HNRNPC: variants seen among roughly 807,000 people sequenced by gnomAD.
The protein encoded by HNRNPC is heterogeneous nuclear ribonucleoproteins C1/C2.
In HNRNPC, 3 loss-of-function variants were observed where a neutral mutation model predicts 33.2. That is an observed-to-expected ratio of 0.09 (90% CI 0.04 to 0.23). The LOEUF is 0.23. HNRNPC is among the 10% of genes least tolerant of loss of function. The pLI, the probability that HNRNPC is intolerant of heterozygous loss-of-function variation, is 1.00. For missense variants in HNRNPC, 143 were observed against 366.7 expected, an observed-to-expected ratio of 0.39 and a Z score of 4.98; for synonymous variants, 121 against 126.7, an observed-to-expected ratio of 0.96 and a Z score of 0.30.
chr14:21,265,903 T>G (rs1878893799), intron 1 of HNRNPC, among the ~76,000 whole-genome samples: 1 of 152,150 alleles, frequency 6.6e-6, no homozygotes, highest in Non-Finnish European at 1.5e-5. Flanking sequence ...TCAGAATGAG[T>G]GATGCATGAG....
At chr14:21,259,758 C>T (rs1000067378) in intron 2 of HNRNPC, among the ~76,000 whole-genome samples, 2 of 151,842 alleles carry the variant, frequency 1.3e-5, no homozygotes, top group African/African-American at 2.4e-5. Context: ...TATTAATCTC[C>T]TACTTCCAAT....
At chr14:21,244,900 T>C (rs931301094) in intron 2 of HNRNPC, among the ~76,000 whole-genome samples, 3 of 151,358 alleles carry the variant, frequency 2.0e-5, no homozygotes, top group Admixed American at 6.6e-5. Flanking sequence ...ACCAGACCAA[T>C]ATGGTGAAAC....
chr14:21,266,389 A>G (rs1878986749), intron 1 of HNRNPC, among the ~76,000 whole-genome samples: 1 of 152,010 alleles, frequency 6.6e-6, no homozygotes, highest in Non-Finnish European at 1.5e-5. Context: ...ATGAGCAGCC[A>G]CACCCGGCCT....
At chr14:21,228,790 A>C (rs1893763781) in intron 5 of HNRNPC, among the ~76,000 whole-genome samples, 1 of 152,082 alleles carries the variant, frequency 6.6e-6, no homozygotes, top group African/African-American at 2.4e-5. Context: ...TAACTGTAAA[A>C]ATCTGAGGAA....
intron 5 of HNRNPC, among the ~76,000 whole-genome samples, chr14:21,218,681 C>CAAAAAAAAAAAAAAA (rs71112557): frequency 7.8e-5 from 4 of 51,254 alleles, no homozygotes; most frequent in Admixed American, 3.2e-4. Context: ...AACTCTCTCT[C>CAAAAAAAAAAAAAAA]AAAAAAAAAA....
chr14:21,225,573 G>A lies in HNRNPC; in HGVS notation c.365+4746C>T, dbSNP rs183672218. On this transcript the variant is annotated intron_variant, in intron 5 of 8. Transcript: ENST00000553300. ...TTCTAAAAGGTGTCCATCCTCAGGC[G>A]TAAGAGTTACCTTTTGAGGCTGGTA... Among the ~76,000 whole-genome samples, 38 of 152,206 alleles carry A rather than the reference G, an allele frequency of 2.5e-4. 1 individual carries two copies. The highest frequency in any genetic ancestry group is 8.7e-4 in the African/African-American group (36 of 41,486).
At chr14:21,236,376 G>A (rs976477174) in intron 2 of HNRNPC, 1 of 152,136 alleles carries the variant, frequency 6.6e-6, no homozygotes, top group Non-Finnish European at 1.5e-5. Flanking sequence ...TACTTACTAT[G>A]AGGACTTAAA....
At chr14:21,265,042 G>C (rs1332396607) in intron 1 of HNRNPC, 2 of 152,138 alleles carry the variant, frequency 1.3e-5, no homozygotes, top group African/African-American at 2.4e-5. Context: ...TGAGCTTTTA[G>C]AAGTGTTCCT....
chr14:21,216,357 C>T (rs369833773), intron 5 of HNRNPC, among the ~76,000 whole-genome samples: 5 of 152,246 alleles, frequency 3.3e-5, no homozygotes, highest in African/African-American at 1.2e-4. Context: ...TCATTTGGTA[C>T]ATGGACCATT....
At chr14:21,245,084 CAA>C (rs71112560) in intron 2 of HNRNPC, among the ~76,000 whole-genome samples, 2 of 54,604 alleles carry the variant, frequency 3.7e-5, no homozygotes, top group South Asian at 6.5e-4. Context: ...GACTCCATCT[CAA>C]AAAAAAAAAA....
At chr14:21,231,124 A>T (rs762667556) in intron 3 of HNRNPC, 52 bp from the exon 4 acceptor site, 1 of 1,534,426 alleles carries the variant, frequency 6.5e-7, no homozygotes, top group Non-Finnish European at 9.0e-7. Flanking sequence ...CGGGTAAAAC[A>T]AACTACAAAG....
chr14:21,255,861 C>T (rs10142891), intron 2 of HNRNPC, among the ~76,000 whole-genome samples: 2,458 of 152,136 alleles, frequency 0.016, 33 homozygotes, highest in Middle Eastern at 0.078. Context: ...GAGCTTAAAG[C>T]GCTAAATAAG....
At chr14:21,232,765 A>G (rs890302324) in intron 3 of HNRNPC, among the ~76,000 whole-genome samples, 8 of 152,172 alleles carry the variant, frequency 5.3e-5, no homozygotes, top group African/African-American at 1.9e-4. Flanking sequence ...GCCAGGTCCA[A>G]TGGCTGACGC....
chr14:21,261,843 CG>C (rs1240347662), intron 2 of HNRNPC, among the ~76,000 whole-genome samples: 5 of 152,208 alleles, frequency 3.3e-5, no homozygotes, highest in African/African-American at 9.6e-5. Flanking sequence ...TAAAATACTA[CG>C]GGTTGCTCAA....
intron 5 of HNRNPC, among the ~76,000 whole-genome samples, chr14:21,218,704 A>AAAAC (rs1555351332): frequency 1.7e-4 from 23 of 136,874 alleles, no homozygotes; most frequent in African/African-American, 3.0e-4. Flanking sequence ...AAAAAAAAAA[A>AAAAC]AAAACTGAAA....
In HNRNPC at chr14:21,234,249, A is replaced by G; in HGVS notation, c.-36-20T>C. ...CGAAAACTGTAAAGCAAAAAAAAGT[A>G]TACAGGTGAACAGATGCTAAAAACA... On this transcript the variant is annotated intron_variant, in intron 2 of 8. Coordinates refer to ENST00000553300, the MANE Select transcript of HNRNPC (RefSeq NM_004500.4). The G allele has an allele frequency of 2.5e-6, 4 of 1,592,452 alleles. No individual in the cohort carries two copies. Among genetic ancestry groups the G allele is most frequent in the Non-Finnish European group, 2.6e-6 (3 of 1,167,408 alleles).
chr14:21,212,792 C>T (rs2139452907), intron 6 of HNRNPC, among the ~76,000 whole-genome samples, 168 bp downstream of exon 6: 1 of 152,282 alleles, frequency 6.6e-6, no homozygotes, highest in Non-Finnish European at 1.5e-5. Flanking sequence ...GATCCACCCG[C>T]TGGGCCTCCC....
At chr14:21,256,407 C>T (rs906926203) in intron 2 of HNRNPC, among the ~76,000 whole-genome samples, 1 of 152,012 alleles carries the variant, frequency 6.6e-6, no homozygotes, top group African/African-American at 2.4e-5. Context: ...CGAGCTCGCA[C>T]CACTGCACTA....
At chr14:21,262,425 T>C (rs1270807626) in intron 2 of HNRNPC, among the ~76,000 whole-genome samples, 2 of 152,270 alleles carry the variant, frequency 1.3e-5, no homozygotes, top group East Asian at 3.8e-4. Flanking sequence ...GCAACTCATA[T>C]TATTCCATTA....
Sources: allele counts gnomAD v4.1 joint callset (sites outside exome capture counted in the v4.1 genomes callset), GRCh38; gene constraint gnomAD v4.1.1; transcripts MANE v1.5; gene names NCBI Gene and HGNC (gene_info 2026-07-23, HGNC 2026-07-21).